BLMH: variants seen among roughly 807,000 people sequenced by gnomAD.
BLMH encodes bleomycin hydrolase.
In BLMH, 32 loss-of-function variants were observed where a neutral mutation model predicts 61.6. The observed-to-expected ratio is 0.52, with a 90% CI of 0.39 to 0.70. The LOEUF is 0.70. BLMH is among the 30% of genes least tolerant of loss of function. BLMH has a pLI of 0.00. For missense variants in BLMH, 460 were observed against 555.5 expected (o/e 0.83, Z 1.73); for synonymous variants, 183 against 193.8 (o/e 0.94, Z 0.46).
At chr17:30,283,171 A>G (rs1168675397) in intron 6 of BLMH, among the ~76,000 whole-genome samples, 1 of 152,174 alleles carries the variant, frequency 6.6e-6, no homozygotes, top group Non-Finnish European at 1.5e-5. Flanking sequence ...CTAAGGGGGA[A>G]AAAACCCTTA....
At chr17:30,264,501 A>C (rs538804935) in intron 11 of BLMH, among the ~76,000 whole-genome samples, 1 of 152,374 alleles carries the variant, frequency 6.6e-6, no homozygotes, top group African/African-American at 2.4e-5. Flanking sequence ...ATTATCTTTA[A>C]GTATTTAGGT....
At chr17:30,267,416 T>A (rs1202554222) in intron 10 of BLMH, among the ~76,000 whole-genome samples, 1 of 152,176 alleles carries the variant, frequency 6.6e-6, no homozygotes, top group East Asian at 1.9e-4. Context: ...GAGTCTTTTT[T>A]AAACAAAACA....
chr17:30,281,065 T>C (rs1006624802), intron 6 of BLMH, among the ~76,000 whole-genome samples: 4 of 150,002 alleles, frequency 2.7e-5, no homozygotes, highest in Admixed American at 6.7e-5. Context: ...CAAAGATCTG[T>C]GTTTTTTTTT....
chr17:30,286,206 T>C (rs1908723531), intron 5 of BLMH, among the ~76,000 whole-genome samples: 1 of 152,222 alleles, frequency 6.6e-6, no homozygotes, highest in Non-Finnish European at 1.5e-5. Flanking sequence ...CAGCAGATTC[T>C]GGCAACTCCC....
intron 11 of BLMH, among the ~76,000 whole-genome samples, chr17:30,262,460 C>A (rs11651241): frequency 0.053 from 8,025 of 152,210 alleles, 267 homozygotes; most frequent in Middle Eastern, 0.078. Context: ...ATCCTGTTTA[C>A]TTTATATATG....
chr17:30,276,294 A>G (rs1467435449), intron 6 of BLMH, among the ~76,000 whole-genome samples: 1 of 152,216 alleles, frequency 6.6e-6, no homozygotes, highest in Non-Finnish European at 1.5e-5. Flanking sequence ...ACAGATAAGG[A>G]TATCAAGGTT....
chr17:30,271,348 T>C lies in BLMH; in HGVS notation c.1069A>G (p.Met357Val). The stretch of plus-strand genomic sequence containing the variant: ...AAAGTCAGCCTCTCCGCTTTATTCA[T>C]GTTCTTCAAGGAGACACCAAACACT... ...ELVFGVSLKN[M>V]NKAERLTFGE... Residue 357 changes from methionine to valine, a missense_variant, in exon 10 of 12, where the codon ATG becomes GTG. By Grantham distance (21) the Met-to-Val change is conservative. Around this residue, in one of 5 missense-constraint regions of BLMH, gnomAD observed 310 missense variants for 371.1 expected, o/e 0.84. Coordinates refer to ENST00000261714, the MANE Select transcript of BLMH (RefSeq NM_000386.4). 1.2e-6 allele frequency: 2 copies of C among 1,614,156 alleles called. No homozygotes were observed. Among genetic ancestry groups the C allele is most frequent in the Non-Finnish European group, 1.7e-6 (2 of 1,180,012 alleles).
At chr17:30,274,317 A>T in intron 6 of BLMH, 120 bp from the exon 7 acceptor site, 3 of 1,176,784 alleles carry the variant, frequency 2.5e-6, no homozygotes, top group Non-Finnish European at 3.5e-6. Flanking sequence ...CAAGCTAAAA[A>T]TTTCACAAGA....
chr17:30,264,282 G>A (rs1908040038), intron 11 of BLMH, among the ~76,000 whole-genome samples: 1 of 151,934 alleles, frequency 6.6e-6, no homozygotes, highest in Non-Finnish European at 1.5e-5. Flanking sequence ...AGTTATTTGA[G>A]AACAACAAAA....
intron 11 of BLMH, among the ~76,000 whole-genome samples, chr17:30,261,970 G>A (rs1034615202): frequency 6.6e-6 from 1 of 152,128 alleles, no homozygotes; most frequent in African/African-American, 2.4e-5. Context: ...TCACTTGTAA[G>A]AAAAGATTAA....
chr17:30,285,914 A>G (rs745328989), intron 5 of BLMH, among the ~76,000 whole-genome samples: 37 of 152,184 alleles, frequency 2.4e-4, no homozygotes, highest in Non-Finnish European at 3.8e-4. Flanking sequence ...TGGTTATGCC[A>G]GCCCCCAATA....
At chr17:30,255,684 G>A (rs1907793215) in intron 11 of BLMH, among the ~76,000 whole-genome samples, 1 of 152,150 alleles carries the variant, frequency 6.6e-6, no homozygotes, top group Non-Finnish European at 1.5e-5. Flanking sequence ...AGATCACAAG[G>A]TCAGGAGTTC....
chr17:30,279,840 T>C (rs1483964952), intron 6 of BLMH, among the ~76,000 whole-genome samples: 2 of 152,200 alleles, frequency 1.3e-5, no homozygotes, highest in Admixed American at 6.6e-5. Flanking sequence ...TGGAGAGATC[T>C]GTTTATTTTA....
intron 11 of BLMH, among the ~76,000 whole-genome samples, chr17:30,253,822 G>GAGAA (rs1417679750): frequency 2.0e-5 from 3 of 152,198 alleles, no homozygotes; most frequent in African/African-American, 7.2e-5. Flanking sequence ...TACATGCGAT[G>GAGAA]AGAAAGAAAG....
intron 6 of BLMH, among the ~76,000 whole-genome samples, chr17:30,284,991 C>T (rs1487390219): frequency 1.3e-5 from 2 of 152,172 alleles, no homozygotes; most frequent in East Asian, 1.9e-4. Flanking sequence ...TCCTCTATGA[C>T]CACCAAATCA....
intron 10 of BLMH, among the ~76,000 whole-genome samples, chr17:30,269,810 C>G (rs1243867606): frequency 6.6e-6 from 1 of 152,176 alleles, no homozygotes; most frequent in Non-Finnish European, 1.5e-5. Flanking sequence ...TTAAGACTGC[C>G]TCTTAAGTTC....
intron 10 of BLMH, among the ~76,000 whole-genome samples, chr17:30,268,848 C>T (rs538151760): frequency 3.6e-4 from 53 of 149,058 alleles, no homozygotes; most frequent in African/African-American, 1.3e-3. Context: ...ACCAGCCTGG[C>T]CAACATGGCG....
At chr17:30,291,226 A>T in intron 2 of BLMH, 85 bp downstream of exon 2, 1 of 1,503,974 alleles carries the variant, frequency 6.6e-7, no homozygotes, top group Non-Finnish European at 9.0e-7. Context: ...TTCAGTACGA[A>T]TTTAAGACCA....
At chr17:30,272,389 T>C (rs1023923574) in intron 9 of BLMH, 172 bp downstream of exon 9, 3 of 719,450 alleles carry the variant, frequency 4.2e-6, no homozygotes, top group African/African-American at 1.8e-5. Context: ...TGTTTAAGTA[T>C]GTGGAGTTTC....
Sources: gnomAD v4.1 joint callset for allele counts (sites outside exome capture counted in the v4.1 genomes callset) on GRCh38, gnomAD v4.1.1 for gene constraint, gnomAD v4.1.1 regional missense constraint, MANE v1.5 for transcripts, NCBI Gene and HGNC (gene_info 2026-07-23, HGNC 2026-07-21) for gene names.